DIP2A: variants seen among roughly 807,000 people sequenced by gnomAD.
DIP2A encodes DIP2 acetate--CoA ligase A.
DIP2A carries 85 observed loss-of-function variants against 177.4 expected under a neutral mutation model. The observed-to-expected ratio is 0.48, with a 90% CI of 0.40 to 0.57. DIP2A has a LOEUF of 0.57. Ranked by LOEUF, DIP2A falls within the 20% of genes least tolerant of loss-of-function variation. The pLI, the probability that DIP2A is intolerant of heterozygous loss-of-function variation, is 0.00. For missense variants in DIP2A, 1,791 were observed against 2,100.2 expected (o/e 0.85, Z 2.88); for synonymous variants, 886 against 881.8 (o/e 1.00, Z -0.08).
chr21:46,575,448 G>T, the DIP2A span, among the ~76,000 whole-genome samples: 1 of 152,062 alleles, frequency 6.6e-6, no homozygotes, highest in East Asian at 1.9e-4. Flanking sequence ...AGAAAAAAAG[G>T]ATTCTAAATT....
Position 46,557,740 on chromosome 21 carries a change from C to T in DIP2A, c.3785C>T (p.Thr1262Met), listed in dbSNP as rs372405212. The change falls in exon 31 of 38, where the codon ACG (threonine) becomes ATG (methionine). Residue 1262 changes from threonine (T) to methionine (M), a missense_variant. Transcript: ENST00000417564. The surrounding 1 kb of genome is among the most constrained non-coding windows in gnomAD (Gnocchi z 6.0). ...TGCACCAAGGGCCTAGGCGCACAGA[C>T]GGGTGTCCTCAGGGTGAGTGCCCAG... ...EMCTKGLGAQ[T>M]GVLRMKGVNL... 31 of 1,609,484 alleles carry T rather than the reference C, an allele frequency of 1.9e-5. No individual in the cohort carries two copies. The highest frequency in any genetic ancestry group is 9.0e-5 in the East Asian group (4 of 44,690).
chr21:46,555,896 CAT>C lies in DIP2A; in HGVS notation c.3389-85_3389-84del, dbSNP rs1289109307. 16 of 1,007,974 alleles carry C rather than the reference CAT, an allele frequency of 1.6e-5. No individual in the cohort carries two copies. The Middle Eastern group carries it at 8.6e-4, about 54-fold the overall frequency. 62.4% of individuals were successfully genotyped at this position (1,007,974 alleles called of 1,614,324 possible). A position where few individuals can be genotyped will look rare whatever the true frequency, so the allele number is the denominator to read the frequency against. ...CTCTGCAGGACTCCCAAGGACAAAT[CAT>C]GTGTCGCCTCTTGCCTGTGAAAGCC... is the stretch of plus-strand genomic sequence containing the variant. On this transcript the variant is annotated intron_variant, in intron 28 of 37. Coordinates refer to ENST00000417564, the MANE Select transcript of DIP2A (RefSeq NM_015151.4).
chr21:46,533,921 G>A, intron 11 of DIP2A, 83 bp from the exon 12 acceptor site: 1 of 1,184,878 alleles, frequency 8.4e-7, no homozygotes, highest in Non-Finnish European at 1.2e-6. Flanking sequence ...AGCTAGTGCT[G>A]CATGTTGGAG....
At chr21:46,507,888 G>T (rs2058099173) in intron 6 of DIP2A, among the ~76,000 whole-genome samples, 1 of 150,860 alleles carries the variant, frequency 6.6e-6, no homozygotes, top group South Asian at 2.1e-4. Flanking sequence ...TTTACTACAG[G>T]TGCATACCAG....
chr21:46,514,016 GA>G (rs1430994704), intron 8 of DIP2A, among the ~76,000 whole-genome samples: 1 of 152,032 alleles, frequency 6.6e-6, no homozygotes, highest in Non-Finnish European at 1.5e-5. Context: ...TTATACTTTG[GA>G]ATACAGAAGT....
chr21:46,531,221 C>T (rs1037161004), intron 9 of DIP2A, among the ~76,000 whole-genome samples: 3 of 152,006 alleles, frequency 2.0e-5, no homozygotes, highest in Non-Finnish European at 4.4e-5. Context: ...TCAGGAGAAC[C>T]GAGACCCTCA....
intron 25 of DIP2A, 182 bp from the exon 26 acceptor site, chr21:46,553,987 A>G (rs1187674962): frequency 5.6e-6 from 4 of 708,114 alleles, no homozygotes; most frequent in Non-Finnish European, 8.5e-6. Context: ...AACATGGTGA[A>G]ACCCCATCTC....
intron 1 of DIP2A, among the ~76,000 whole-genome samples, chr21:46,484,407 T>C (rs1487844309): frequency 6.6e-6 from 1 of 152,192 alleles, no homozygotes; most frequent in East Asian, 1.9e-4. Context: ...AAAATTCTCT[T>C]GTCTTTTCCT....
intron 19 of DIP2A, 141 bp downstream of exon 19, chr21:46,545,414 C>A: frequency 1.0e-6 from 1 of 996,786 alleles, no homozygotes. Context: ...GCTGTTGGCA[C>A]ATGGCCTGCA....
In DIP2A at chr21:46,557,178, G is replaced by T; in HGVS notation, c.3629+109G>T. ...TGGGTGCTCAGGAAGCCGATGAGATGTGTGTGAGTGGGTTTGTTTGGGGAT... is the reference window on the plus strand; with the variant it reads ...TGGGTGCTCAGGAAGCCGATGAGATTTGTGTGAGTGGGTTTGTTTGGGGAT... On this transcript the variant is annotated intron_variant, in intron 30 of 37. Transcript: ENST00000417564. The surrounding 1 kb of genome is among the most constrained non-coding windows in gnomAD (Gnocchi z 6.0). 4.7e-6 allele frequency: 6 copies of T among 1,281,858 alleles called. No homozygotes were observed. The highest frequency in any genetic ancestry group is 6.3e-6 in the Non-Finnish European group (6 of 954,734). The allele number at this position is 1,281,858 out of a possible 1,614,324, so 79.4% of individuals were successfully genotyped here.
At chr21:46,578,887 A>C in the DIP2A span, among the ~76,000 whole-genome samples, 1 of 152,122 alleles carries the variant, frequency 6.6e-6, no homozygotes, top group South Asian at 2.1e-4. Context: ...TTTTGCATGA[A>C]TGTTCATCAG....
intron 11 of DIP2A, 80 bp downstream of exon 11, chr21:46,533,727 T>C: frequency 3.2e-6 from 5 of 1,578,012 alleles, no homozygotes; most frequent in Non-Finnish European, 3.5e-6. Context: ...AAATTAAACA[T>C]GACAGAGGTG....
intron 8 of DIP2A, among the ~76,000 whole-genome samples, chr21:46,526,106 C>T (rs1265729574): frequency 2.0e-5 from 3 of 151,588 alleles, no homozygotes; most frequent in Non-Finnish European, 4.4e-5. Flanking sequence ...GATGGGGTTT[C>T]ACCATGTTGG....
chr21:46,550,715 A>G lies in DIP2A; in HGVS notation c.2810A>G (p.Asn937Ser). ...ATGTGCCCTCACACCTGTGTTACCA[A>G]CCTCCCCAAACCTCGTCAGAAACAA... ...VLMCPHTCVT[N>S]LPKPRQKQPE... Residue 937 changes from asparagine to serine, a missense_variant, in exon 23 of 38, where the codon AAC becomes AGC. Asn to Ser is a conservative substitution (Grantham distance 46). Transcript: ENST00000417564. 1 of 1,613,804 alleles carries G rather than the reference A, an allele frequency of 6.2e-7. No individual in the cohort carries two copies.
rs142621699 is a variant in DIP2A, at chr21:46,551,411, G to A, written c.2840-223G>A. Reference sequence around the variant, plus strand: ...CAAATCGTATCCTCTGAGATGCGTCGTGTAGTAAACTTCTCAATAAGGCGT... The same window carrying A: ...CAAATCGTATCCTCTGAGATGCGTCATGTAGTAAACTTCTCAATAAGGCGT... On this transcript the variant is annotated intron_variant, in intron 23 of 37. Coordinates refer to ENST00000417564, the MANE Select transcript of DIP2A (RefSeq NM_015151.4). Among the ~76,000 whole-genome samples, 1,280 of 152,282 alleles carry A rather than the reference G, an allele frequency of 8.4e-3. 12 individuals carry two copies. Among genetic ancestry groups the A allele is most frequent in the Middle Eastern group, 0.024 (7 of 294 alleles).
chr21:46,510,098 G>A (rs147309336), intron 7 of DIP2A, among the ~76,000 whole-genome samples: 63 of 152,300 alleles, frequency 4.1e-4, no homozygotes, highest in Middle Eastern at 3.4e-3. Flanking sequence ...TGACTCACAC[G>A]ATCACAAGGT....
chr21:46,545,057 C>T (rs1776510765), intron 18 of DIP2A, 80 bp from the exon 19 acceptor site: 1 of 1,409,828 alleles, frequency 7.1e-7, no homozygotes, highest in East Asian at 2.4e-5. Flanking sequence ...CATAACCGCA[C>T]ATACAGCAGC....
chr21:46,498,686 G>A lies in DIP2A; in HGVS notation c.508G>A (p.Val170Ile). The A allele has an allele frequency of 6.2e-7, 1 of 1,613,852 alleles. No homozygotes were observed. Among genetic ancestry groups the A allele is most frequent in the Non-Finnish European group, 8.5e-7 (1 of 1,179,898 alleles). The change falls in exon 5 of 38, where the codon GTC becomes ATC. Residue 170 changes from valine (V) to isoleucine (I), a missense_variant. Val to Ile is a conservative substitution (Grantham distance 29). Transcript: ENST00000417564. This position sits in a 1 kb window ranked among gnomAD's most constrained non-coding sequence, Gnocchi z 4.3. ...HSSVEPWLDR[V>I]IQGSSTSSSA... is the part of the protein sequence containing the mutation. Reference sequence around the variant, plus strand: ...CAGCGTCGAGCCCTGGCTCGACCGGGTCATTCAGGGCTCGTCCACCTCATC... The same window carrying A: ...CAGCGTCGAGCCCTGGCTCGACCGGATCATTCAGGGCTCGTCCACCTCATC...
At chr21:46,468,498 T>A (rs1490239540) in intron 1 of DIP2A, among the ~76,000 whole-genome samples, 3 of 151,558 alleles carry the variant, frequency 2.0e-5, no homozygotes, top group Non-Finnish European at 4.4e-5. Flanking sequence ...ATAGTCAGAC[T>A]CATAGAAGCA....
Sources: allele counts gnomAD v4.1 joint callset (sites outside exome capture counted in the v4.1 genomes callset), GRCh38; gene constraint gnomAD v4.1.1; non-coding constraint Gnocchi (gnomAD v3.1); transcripts MANE v1.5; gene names NCBI Gene and HGNC (gene_info 2026-07-23, HGNC 2026-07-21).